Variants in CTNND2 observed in about 807,000 individuals in gnomAD.
The protein encoded by CTNND2 is catenin delta 2.
CTNND2 carries 22 observed loss-of-function variants against 144.4 expected under a neutral mutation model. The ratio of observed to expected loss-of-function variants is 0.15; its 90% CI spans 0.11 to 0.22. The LOEUF is 0.22. Ranked by LOEUF, CTNND2 falls within the 10% of genes least tolerant of loss-of-function variation. The pLI, the probability that CTNND2 is intolerant of heterozygous loss-of-function variation, is 1.00. For missense variants in CTNND2, 1,353 were observed against 1,618.8 expected (o/e 0.84, Z 2.82); for synonymous variants, 751 against 695.6 (o/e 1.08, Z -1.25).
chr5:11,565,950 A>C (rs572617403), intron 2 of CTNND2, among the ~76,000 whole-genome samples: 2 of 152,194 alleles, frequency 1.3e-5, no homozygotes, highest in Non-Finnish European at 2.9e-5. Flanking sequence ...AATTATCTAA[A>C]CAGTTATGTT....
chr5:11,865,902 C>CCAAAAAAAAAAAAAA (rs766558059), intron 1 of CTNND2, among the ~76,000 whole-genome samples: 2 of 87,426 alleles, frequency 2.3e-5, no homozygotes, highest in Non-Finnish European at 4.3e-5. Context: ...CTGGAAGAGA[C>CCAAAAAAAAAAAAAA]AAAAAAAAAA....
intron 3 of CTNND2, among the ~76,000 whole-genome samples, chr5:11,471,450 T>A (rs1767226107): frequency 6.6e-6 from 1 of 152,206 alleles, no homozygotes; most frequent in Non-Finnish European, 1.5e-5. Context: ...AAGGACTGAT[T>A]ATACTCAGAA....
At chr5:11,510,055 C>T (rs1391272459) in intron 3 of CTNND2, among the ~76,000 whole-genome samples, 4 of 152,130 alleles carry the variant, frequency 2.6e-5, no homozygotes, top group African/African-American at 7.2e-5. Flanking sequence ...CCTCAGCCTC[C>T]GAGTAGCTGC....
At chr5:11,791,867 A>C (rs1791152622) in intron 1 of CTNND2, among the ~76,000 whole-genome samples, 1 of 152,188 alleles carries the variant, frequency 6.6e-6, no homozygotes, top group Admixed American at 6.6e-5. Flanking sequence ...TGCTGAGAGA[A>C]GCAAAGTCAA....
intron 1 of CTNND2, among the ~76,000 whole-genome samples, chr5:11,821,892 T>G (rs1227627679): frequency 2.6e-5 from 4 of 152,182 alleles, no homozygotes; most frequent in African/African-American, 9.6e-5. Context: ...CATTTCCTAA[T>G]AAACCACCAG....
At chr5:11,649,673 T>C (rs528023690) in intron 2 of CTNND2, among the ~76,000 whole-genome samples, 6 of 152,230 alleles carry the variant, frequency 3.9e-5, no homozygotes, top group East Asian at 3.9e-4. Context: ...ACAGACAAAT[T>C]TGGGGGGAAC....
At position 11,519,030 on chromosome 5, in the gene CTNND2, A is replaced by AC. The variant is rs57883384; in HGVS notation, c.287+45913_287+45914insG. 9.1e-3 allele frequency among the ~76,000 whole-genome samples: 1,267 copies of AC among 139,234 alleles called. 12 individuals are homozygous for AC. Among genetic ancestry groups the AC allele is most frequent in the African/African-American group, 0.028 (986 of 35,780 alleles). 91.3% of individuals were successfully genotyped at this position (139,234 alleles called of 152,430 possible). On this transcript the variant is annotated intron_variant, in intron 3 of 21. Transcript: ENST00000304623. Reference sequence around the variant, plus strand: ...CTCAACACACACACACACACACACAAATTTAAGTATATGGAGGAAAAAATG... The same window carrying AC: ...CTCAACACACACACACACACACACAACATTTAAGTATATGGAGGAAAAAATG...
intron 2 of CTNND2, among the ~76,000 whole-genome samples, chr5:11,627,668 T>C (rs1312982573): frequency 6.6e-6 from 1 of 151,952 alleles, no homozygotes; most frequent in Admixed American, 6.6e-5. Flanking sequence ...GGGACCAGTT[T>C]CATGGAAGAC....
At chr5:11,329,402 C>T (rs1752855945) in intron 9 of CTNND2, among the ~76,000 whole-genome samples, 1 of 152,140 alleles carries the variant, frequency 6.6e-6, no homozygotes, top group Non-Finnish European at 1.5e-5. Context: ...TGATCCCCAT[C>T]CCTCGGCCTC....
intron 1 of CTNND2, among the ~76,000 whole-genome samples, chr5:11,813,338 G>C (rs1792447043): frequency 6.6e-6 from 1 of 152,202 alleles, no homozygotes; most frequent in Non-Finnish European, 1.5e-5. Flanking sequence ...TCATTAAGCA[G>C]AGCAGGACTT....
Position 11,587,296 on chromosome 5 carries a change from G to A in CTNND2, c.175-22240C>T, listed in dbSNP as rs184644376. Among the ~76,000 whole-genome samples the A allele has an allele frequency of 8.1e-4, 123 of 151,978 alleles. 1 individual carries two copies. Among genetic ancestry groups the A allele is most frequent in the African/African-American group, 7.7e-4 (32 of 41,490 alleles). ...CCATAGCATTGAGATTGACTTTCACGCCTTAAAAATAAAAAGATTTCCTAG... is the reference window on the plus strand; with the variant it reads ...CCATAGCATTGAGATTGACTTTCACACCTTAAAAATAAAAAGATTTCCTAG... On this transcript the variant is annotated intron_variant, in intron 2 of 21. Coordinates refer to ENST00000304623, the MANE Select transcript of CTNND2 (RefSeq NM_001332.4).
At chr5:11,884,778 A>G (rs770924906) in intron 1 of CTNND2, among the ~76,000 whole-genome samples, 3 of 152,118 alleles carry the variant, frequency 2.0e-5, no homozygotes, top group Non-Finnish European at 2.9e-5. Context: ...CCCATTCACT[A>G]TGATGTTAGC....
chr5:11,468,933 G>T (rs1257018830), intron 3 of CTNND2, among the ~76,000 whole-genome samples: 2 of 152,096 alleles, frequency 1.3e-5, no homozygotes, highest in African/African-American at 4.8e-5. Context: ...GGCCCTAAGG[G>T]TTTCTACATA....
At chr5:11,095,559 C>T (rs937612617) in intron 15 of CTNND2, among the ~76,000 whole-genome samples, 25 of 152,180 alleles carry the variant, frequency 1.6e-4, no homozygotes, top group African/African-American at 4.8e-5. Context: ...TGAATTTTTT[C>T]GCTCAGCCAA....
At position 11,004,770 on chromosome 5, in the gene CTNND2, CAAAAAAAA is replaced by C. The variant is rs56261802; in HGVS notation, c.3085-12101_3085-12094del. Among the ~76,000 whole-genome samples, 10 of 88,850 alleles carry C rather than the reference CAAAAAAAA, an allele frequency of 1.1e-4. No homozygotes were observed. The East Asian group carries it at 2.6e-3, about 23-fold the overall frequency. The allele number at this position is 88,850 out of a possible 152,430, so 58.3% of individuals were successfully genotyped here. On this transcript the variant is annotated intron_variant, in intron 18 of 21. Transcript: ENST00000304623. ...GCAACAAGAGTGAAACTCCTTCTCACAAAAAAAAAAAAAAAAAAAAGAAAAATGCTAAT... is the reference window on the plus strand; with the variant it reads ...GCAACAAGAGTGAAACTCCTTCTCACAAAAAAAAAAAAGAAAAATGCTAAT...
intron 3 of CTNND2, among the ~76,000 whole-genome samples, chr5:11,451,863 A>C (rs1765342765): frequency 6.6e-6 from 1 of 152,260 alleles, no homozygotes; most frequent in Non-Finnish European, 1.5e-5. Flanking sequence ...ATTAAAAAAC[A>C]ATAAATGTAG....
rs1319432882 is a variant in CTNND2 at position 11,764,511 on chromosome 5, C to T, written c.38-32239G>A. 2.6e-5 allele frequency among the ~76,000 whole-genome samples: 4 copies of T among 152,306 alleles called. No homozygotes were observed. In the South Asian group the frequency reaches 6.2e-4, roughly 24 times the overall value. On this transcript the variant is annotated intron_variant, in intron 1 of 21. Transcript: ENST00000304623. The stretch of plus-strand genomic sequence containing the variant: ...TGCTGGTGAGGCCACCCCAAAGCCA[C>T]TGTCTACTAGTCCCTGATGCTCATA...
chr5:11,586,240 G>A (rs1307549193), intron 2 of CTNND2, among the ~76,000 whole-genome samples: 1 of 152,122 alleles, frequency 6.6e-6, no homozygotes, highest in East Asian at 1.9e-4. Context: ...CTATCTCACT[G>A]TTCATGCTCT....
chr5:11,300,556 C>A (rs1185171481), intron 9 of CTNND2, among the ~76,000 whole-genome samples: 2 of 152,282 alleles, frequency 1.3e-5, no homozygotes, highest in Admixed American at 1.3e-4. Flanking sequence ...CCACCCTCCC[C>A]ACACACAGTT....
Sources: allele counts gnomAD v4.1 joint callset (sites outside exome capture counted in the v4.1 genomes callset), GRCh38; gene constraint gnomAD v4.1.1; transcripts MANE v1.5; gene names NCBI Gene and HGNC (gene_info 2026-07-23, HGNC 2026-07-21).